INSC: variants seen among roughly 807,000 people sequenced by gnomAD.
INSC encodes the protein protein inscuteable homolog.
INSC carries 67 observed loss-of-function variants against 58.6 expected under a neutral mutation model. That is an observed-to-expected ratio of 1.14 (90% confidence interval 0.94 to 1.40). INSC has a LOEUF of 1.40. Among genes scored for constraint, INSC ranks in the 40% most tolerant of loss-of-function variants. The pLI is 0.00. For missense variants in INSC, 714 were observed against 692.0 expected, an observed-to-expected ratio of 1.03 and a Z score of -0.36; for synonymous variants, 262 against 276.1, an observed-to-expected ratio of 0.95 and a Z score of 0.51.
At chr11:15,199,688 G>T (rs1850504686) in intron 6 of INSC, among the ~76,000 whole-genome samples, 1 of 152,200 alleles carries the variant, frequency 6.6e-6, no homozygotes, top group African/African-American at 2.4e-5. Flanking sequence ...GTACAATGAG[G>T]TTAGTTAGAC....
intron 5 of INSC, among the ~76,000 whole-genome samples, chr11:15,179,341 A>T (rs1186889394): frequency 6.6e-6 from 1 of 152,196 alleles, no homozygotes; most frequent in Non-Finnish European, 1.5e-5. Flanking sequence ...ATTTATGGTT[A>T]TTTATAGTTA....
chr11:15,212,049 A>G (rs1336185644), intron 7 of INSC, among the ~76,000 whole-genome samples: 3 of 152,216 alleles, frequency 2.0e-5, no homozygotes, highest in Non-Finnish European at 4.4e-5. Flanking sequence ...AATGTCCACA[A>G]AAATACCTGC....
chr11:15,261,002 G>A, the INSC span, among the ~76,000 whole-genome samples: 1 of 152,178 alleles, frequency 6.6e-6, no homozygotes, highest in Non-Finnish European at 1.5e-5. Flanking sequence ...GTGGAAATTA[G>A]GTTTCCTTTC....
intron 1 of INSC, among the ~76,000 whole-genome samples, chr11:15,119,783 A>G (rs540730583): frequency 1.3e-4 from 20 of 152,316 alleles, no homozygotes; most frequent in African/African-American, 3.6e-4. Flanking sequence ...CATACTGGCA[A>G]TGTGCGGAAA....
chr11:15,247,743 A>ATATATATATATATATATATATATG (rs1852606347), downstream of INSC, among the ~76,000 whole-genome samples: 11 of 148,734 alleles, frequency 7.4e-5, no homozygotes, highest in South Asian at 2.1e-4. Context: ...GTATATATAT[A>ATATATATATATATATATATATATG]TATATATATA....
At chr11:15,126,190 A>C (rs927997825) in intron 1 of INSC, among the ~76,000 whole-genome samples, 2 of 152,194 alleles carry the variant, frequency 1.3e-5, no homozygotes, top group African/African-American at 4.8e-5. Context: ...ATGGAGGAAT[A>C]ATAGGCTGGG....
intron 1 of INSC, 55 bp from the exon 2 acceptor site, chr11:15,149,075 T>G: frequency 6.7e-7 from 1 of 1,492,948 alleles, no homozygotes; most frequent in Non-Finnish European, 8.9e-7. Context: ...GGAGAGAAAG[T>G]GATTGTGCCT....
At chr11:15,261,249 T>G in the INSC span, among the ~76,000 whole-genome samples, 1 of 152,288 alleles carries the variant, frequency 6.6e-6, no homozygotes, top group Admixed American at 6.5e-5. Context: ...TCTGCCATAT[T>G]CTGAGTTTTA....
intron 9 of INSC, among the ~76,000 whole-genome samples, chr11:15,229,486 C>T (rs1851764899): frequency 6.6e-6 from 1 of 152,084 alleles, no homozygotes; most frequent in Admixed American, 6.5e-5. Flanking sequence ...CTGCCATTTC[C>T]CAGCTATGTG....
intron 10 of INSC, among the ~76,000 whole-genome samples, chr11:15,237,025 C>A (rs1852159411): frequency 6.6e-6 from 1 of 152,080 alleles, no homozygotes; most frequent in African/African-American, 2.4e-5. Flanking sequence ...TCTCCATAGG[C>A]CTGTGAATTT....
chr11:15,206,813 T>C (rs531136302), intron 7 of INSC, among the ~76,000 whole-genome samples: 1 of 152,228 alleles, frequency 6.6e-6, no homozygotes, highest in Non-Finnish European at 1.5e-5. Flanking sequence ...AATGAAGCAA[T>C]ATGGGTGGGT....
intron 6 of INSC, among the ~76,000 whole-genome samples, chr11:15,193,364 T>C (rs1850250583): frequency 6.6e-6 from 1 of 152,264 alleles, no homozygotes; most frequent in African/African-American, 2.4e-5. Flanking sequence ...TACCTATGTA[T>C]ACATGTGCTA....
rs200269090 is a variant in INSC at position 15,141,508 on chromosome 11, A to G, written c.-45-7622A>G. 2.2e-4 allele frequency among the ~76,000 whole-genome samples: 34 copies of G among 152,238 alleles called. No homozygotes were observed. The East Asian group carries it at 6.2e-3, about 28-fold the overall frequency. On this transcript the variant is annotated intron_variant, in intron 1 of 12. Transcript: ENST00000379556. Reference sequence around the variant, plus strand: ...TTCTGCCTACTTGTTGGGCTCTGACACCTGACAGCTGTGAGGGGCTATTGG... The same window carrying G: ...TTCTGCCTACTTGTTGGGCTCTGACGCCTGACAGCTGTGAGGGGCTATTGG...
rs372768770 is a variant in INSC at position 15,132,456 on chromosome 11, T to C, written c.-45-16674T>C. Among the ~76,000 whole-genome samples the C allele has an allele frequency of 1.3e-3, 203 of 152,098 alleles. 1 individual carries two copies. The highest frequency in any genetic ancestry group is 2.2e-3 in the Non-Finnish European group (152 of 68,030). On this transcript the variant is annotated intron_variant, in intron 1 of 12. Transcript: ENST00000379556. ...AGGAGTCACTGCACTCAGCTAACTT[T>C]TTAAATTTTTGTAGAGATGGAGCCT...
chr11:15,182,060 G>C (rs1458189092), intron 5 of INSC, among the ~76,000 whole-genome samples: 1 of 152,116 alleles, frequency 6.6e-6, no homozygotes, highest in Non-Finnish European at 1.5e-5. Context: ...TCAATAATGG[G>C]AGGGGTTCCT....
intron 1 of INSC, among the ~76,000 whole-genome samples, chr11:15,134,979 T>A (rs1403431293): frequency 2.0e-5 from 3 of 152,260 alleles, no homozygotes; most frequent in African/African-American, 4.8e-5. Flanking sequence ...AATTCTTTTT[T>A]AAGACCTTAC....
chr11:15,120,777 GC>G (rs1386909121), intron 1 of INSC, among the ~76,000 whole-genome samples: 1 of 152,000 alleles, frequency 6.6e-6, no homozygotes, highest in Non-Finnish European at 1.5e-5. Context: ...TTGAATATGG[GC>G]TCACTTATTC....
chr11:15,112,480 C>A, upstream of INSC: 2 of 1,608,788 alleles, frequency 1.2e-6, no homozygotes, highest in Non-Finnish European at 1.7e-6. Context: ...ATGAGACGGC[C>A]CCCTGGCAAT....
intron 11 of INSC, among the ~76,000 whole-genome samples, chr11:15,239,690 A>G (rs1048777655): frequency 1.3e-5 from 2 of 152,228 alleles, no homozygotes; most frequent in Non-Finnish European, 2.9e-5. Flanking sequence ...TCACTTCAGT[A>G]TCATGGGAGT....
Sources: gnomAD v4.1 joint callset for allele counts (sites outside exome capture counted in the v4.1 genomes callset) on GRCh38, gnomAD v4.1.1 for gene constraint, MANE v1.5 for transcripts, NCBI Gene and HGNC (gene_info 2026-07-23, HGNC 2026-07-21) for gene names.